SLC12A1: variants seen among roughly 807,000 people sequenced by gnomAD.
SLC12A1 encodes the protein Na-K-2Cl cotransporter.
A neutral mutation model predicts 130.4 loss-of-function variants in SLC12A1; 89 were observed. The observed-to-expected ratio is 0.68, with a 90% CI of 0.58 to 0.81. SLC12A1 has a LOEUF of 0.81. Ranked by LOEUF, SLC12A1 falls within the 40% of genes least tolerant of loss-of-function variation. SLC12A1 has a pLI of 0.00. For synonymous variants in SLC12A1, 499 were observed against 460.0 expected (o/e 1.08, Z -1.09); for missense variants, 1,310 against 1,336.4 (o/e 0.98, Z 0.31).
intron 20 of SLC12A1, among the ~76,000 whole-genome samples, chr15:48,283,414 G>A (rs1597452994): frequency 2.0e-5 from 3 of 152,248 alleles, no homozygotes; most frequent in African/African-American, 7.2e-5. Context: ...AAAAGTCAGG[G>A]GTAAGCAACT....
At chr15:48,232,683 G>C (rs974265822) in intron 7 of SLC12A1, 44 bp from the exon 8 acceptor site, 1 of 1,180,882 alleles carries the variant, frequency 8.5e-7, no homozygotes, top group African/African-American at 1.5e-5. Flanking sequence ...GTAAAAAGTT[G>C]TTAAATAAAT....
At chr15:48,247,655 A>G (rs2041598431) in intron 13 of SLC12A1, among the ~76,000 whole-genome samples, 195 bp downstream of exon 13, 1 of 152,240 alleles carries the variant, frequency 6.6e-6, no homozygotes, top group African/African-American at 2.4e-5. Context: ...TTGAATTTTA[A>G]TCTATTCTTT....
rs148283489 is a variant in SLC12A1 at position 48,213,385 on chromosome 15, G to A, written c.420+5246G>A. Among the ~76,000 whole-genome samples, 669 of 152,102 alleles carry A rather than the reference G, an allele frequency of 4.4e-3. 6 individuals are homozygous for A. The highest frequency in any genetic ancestry group is 0.015 in the African/African-American group (626 of 41,500). ...AAAAGATTGTATTGCTTGTCCTACA[G>A]AATTAATTATGTCTCAATCATTTTC... On this transcript the variant is annotated intron_variant, in intron 2 of 26. Coordinates refer to ENST00000380993, the MANE Select transcript of SLC12A1 (RefSeq NM_000338.3).
chr15:48,302,481 G>A (rs984675060), intron 26 of SLC12A1, among the ~76,000 whole-genome samples: 14 of 150,456 alleles, frequency 9.3e-5, no homozygotes, highest in Non-Finnish European at 1.5e-4. Context: ...TTAGCCGGGC[G>A]CGGTGGCGGG....
chr15:48,247,437 T>C lies in SLC12A1; in HGVS notation c.1661T>C (p.Ile554Thr), dbSNP rs1169541973. 1.9e-6 allele frequency: 3 copies of C among 1,609,640 alleles called. No individual in the cohort carries two copies. The highest frequency in any genetic ancestry group is 2.2e-5 in the East Asian group (1 of 44,854). ...PLRGYILTFLIAMAFILIAEL... is the reference protein window; with the variant it reads ...PLRGYILTFLTAMAFILIAEL... ...AGAGGATATATTCTCACTTTTCTTA[T>C]AGCCATGGCATTTATTCTTATTGGT... Residue 554 changes from isoleucine to threonine, a missense_variant, in exon 13 of 27, where the codon ATA (isoleucine) becomes ACA (threonine). Transcript: ENST00000380993.
intron 25 of SLC12A1, among the ~76,000 whole-genome samples, chr15:48,300,612 C>CTAG (rs1488278279): frequency 6.6e-6 from 1 of 152,178 alleles, no homozygotes; most frequent in Non-Finnish European, 1.5e-5. Flanking sequence ...AGAGACTGAA[C>CTAG]TAGAATTATA....
chr15:48,246,995 C>T lies in SLC12A1; in HGVS notation c.1539C>T (p.Val513=), dbSNP rs946106614. The T allele has an allele frequency of 1.5e-5, 25 of 1,613,672 alleles. No homozygotes were observed. The highest frequency in any genetic ancestry group is 2.1e-5 in the Non-Finnish European group (25 of 1,179,720). ...TCTCCTCCGCCCTGGCCTCCCTTGT[C>T]AGCGCACCCAAAGTGTTCCAGGTAA... ...ATLSSALASL[V]SAPKVFQALC... Residue 513 remains valine, a synonymous_variant, in exon 12 of 27, where the codon GTC becomes GTT. Coordinates refer to ENST00000380993, the MANE Select transcript of SLC12A1 (RefSeq NM_000338.3).
intron 26 of SLC12A1, among the ~76,000 whole-genome samples, chr15:48,301,715 C>T (rs913996251): frequency 1.3e-5 from 2 of 152,094 alleles, no homozygotes; most frequent in Non-Finnish European, 2.9e-5. Context: ...TCAGCGACCA[C>T]AGCTCACGGG....
intron 15 of SLC12A1, among the ~76,000 whole-genome samples, chr15:48,255,305 G>T (rs2041693741): frequency 6.6e-6 from 1 of 152,016 alleles, no homozygotes; most frequent in South Asian, 2.1e-4. Context: ...AGACATGTTG[G>T]CGGGTGCCTG....
At chr15:48,274,365 T>C (rs898505270) in intron 19 of SLC12A1, among the ~76,000 whole-genome samples, 8 of 152,210 alleles carry the variant, frequency 5.3e-5, no homozygotes, top group African/African-American at 1.9e-4. Context: ...AGTGAATAAT[T>C]TAGTTACCTC....
intron 10 of SLC12A1, 105 bp from the exon 11 acceptor site, chr15:48,244,648 T>G: frequency 1.8e-6 from 2 of 1,135,236 alleles, no homozygotes; most frequent in Non-Finnish European, 1.3e-6. Flanking sequence ...GAACAGAGGC[T>G]AAGAAATGGA....
rs180847164 is a variant in SLC12A1 at position 48,288,067 on chromosome 15, C to T, written c.2654C>T (p.Ser885Leu). The T allele has an allele frequency of 3.9e-5, 63 of 1,610,812 alleles. No homozygotes were observed. The Admixed American group carries it at 8.1e-4, about 21-fold the overall frequency. Residue 885 changes from serine (S) to leucine (L), a missense_variant, in exon 22 of 27, where the codon TCG (serine) becomes TTG (leucine). Coordinates refer to ENST00000380993, the MANE Select transcript of SLC12A1 (RefSeq NM_000338.3). ...GATGGCAGCATTAACACAAGCCAGT[C>T]GATGCATGTGGGAGAGTTCAACCAG... ...KKDGSINTSQ[S>L]MHVGEFNQKL...
chr15:48,280,513 C>T (rs1226295930), intron 20 of SLC12A1, among the ~76,000 whole-genome samples: 2 of 152,200 alleles, frequency 1.3e-5, no homozygotes, highest in Non-Finnish European at 2.9e-5. Flanking sequence ...CAGGCATGCT[C>T]TCTATATCCC....
intron 18 of SLC12A1, among the ~76,000 whole-genome samples, chr15:48,268,972 T>G (rs2041862670): frequency 6.6e-6 from 1 of 152,168 alleles, no homozygotes; most frequent in Non-Finnish European, 1.5e-5. Flanking sequence ...CATACATTCA[T>G]ATGAATTTCT....
In SLC12A1 at chr15:48,270,771, TATATATATATATATAC is replaced by T. The variant is rs766123216; in HGVS notation, c.2402+1009_2402+1024del. Among the ~76,000 whole-genome samples, 12 of 103,344 alleles carry T rather than the reference TATATATATATATATAC, an allele frequency of 1.2e-4. 1 individual carries two copies. The East Asian group carries it at 1.4e-3, about 12-fold the overall frequency. 67.8% of individuals were successfully genotyped at this position (103,344 alleles called of 152,430 possible). A position where few individuals can be genotyped will look rare whatever the true frequency, so the allele number is the denominator to read the frequency against. ...GTGTGTATATATATATATATATATA[TATATATATATATATAC>T]ACACACACACACATAATACTTGGAG... On this transcript the variant is annotated intron_variant, in intron 19 of 26. Transcript: ENST00000380993.
intron 6 of SLC12A1, 93 bp downstream of exon 6, chr15:48,229,421 G>A: frequency 7.6e-7 from 1 of 1,313,420 alleles, no homozygotes; most frequent in Non-Finnish European, 1.0e-6. Flanking sequence ...ACAGCTAAAT[G>A]AGAGGAAAAA....
intron 2 of SLC12A1, among the ~76,000 whole-genome samples, chr15:48,209,538 C>T (rs942442637): frequency 6.6e-6 from 1 of 152,208 alleles, no homozygotes; most frequent in African/African-American, 2.4e-5. Context: ...TGAGTTTACT[C>T]TTGCCCAAGT....
chr15:48,291,491 A>C (rs904550529), intron 23 of SLC12A1, among the ~76,000 whole-genome samples: 9 of 152,192 alleles, frequency 5.9e-5, no homozygotes, highest in African/African-American at 1.9e-4. Flanking sequence ...AAATGTGGAC[A>C]GATTTGCATT....
chr15:48,274,035 CAG>C (rs1398012833), intron 19 of SLC12A1, among the ~76,000 whole-genome samples: 1 of 152,034 alleles, frequency 6.6e-6, no homozygotes, highest in African/African-American at 2.4e-5. Context: ...ACACAAGAGC[CAG>C]TATGTAGAGT....
Sources: allele counts gnomAD v4.1 joint callset (sites outside exome capture counted in the v4.1 genomes callset), GRCh38; gene constraint gnomAD v4.1.1; transcripts MANE v1.5; gene names NCBI Gene and HGNC (gene_info 2026-07-23, HGNC 2026-07-21).